LCP2: variants seen among roughly 807,000 people sequenced by gnomAD.
LCP2 encodes 76 kDa tyrosine phosphoprotein.
LCP2 carries 29 observed loss-of-function variants against 74.5 expected under a neutral mutation model. The observed-to-expected ratio is 0.39, with a 90% CI of 0.29 to 0.53. LCP2 has a LOEUF of 0.53. Ranked by LOEUF, LCP2 falls within the 20% of genes least tolerant of loss-of-function variation. The pLI is 0.72. For missense variants in LCP2, 604 were observed against 634.6 expected (o/e 0.95, Z 0.52); for synonymous variants, 228 against 229.5 (o/e 0.99, Z 0.06).
At position 170,258,111 on chromosome 5, in the gene LCP2, G is replaced by C; in HGVS notation, c.1026C>G (p.Phe342Leu). The C allele has an allele frequency of 6.2e-7, 1 of 1,613,822 alleles. No homozygotes were observed. Residue 342 changes from phenylalanine to leucine, a missense_variant, in exon 16 of 21, where the codon TTC becomes TTG. Physicochemically the swap from Phe to Leu is conservative, Grantham distance 22 (BLOSUM62 0). Transcript: ENST00000046794. ...GACTTGGCTTAGTAGATCTTGAAGGGAAAGTGTTGGAGCTCATAGGAAGTA... is the reference window on the plus strand; with the variant it reads ...GACTTGGCTTAGTAGATCTTGAAGGCAAAGTGTTGGAGCTCATAGGAAGTA... Reference protein sequence around the residue: ...PALLPMSSNTFPSRSTKPSPM... With the variant: ...PALLPMSSNTLPSRSTKPSPM...
intron 3 of LCP2, among the ~76,000 whole-genome samples, chr5:170,281,484 G>C (rs909186156): frequency 6.6e-6 from 1 of 152,184 alleles, no homozygotes; most frequent in African/African-American, 2.4e-5. Flanking sequence ...GTTTCACTGT[G>C]TTAGCCAGGA....
chr5:170,252,742 A>T (rs1761474782), intron 18 of LCP2, among the ~76,000 whole-genome samples: 1 of 152,244 alleles, frequency 6.6e-6, no homozygotes, highest in Admixed American at 6.5e-5. Flanking sequence ...TGTGAATAAG[A>T]GTTCCTTACA....
intron 17 of LCP2, among the ~76,000 whole-genome samples, chr5:170,255,252 A>G (rs1761529213): frequency 6.6e-6 from 1 of 152,202 alleles, no homozygotes; most frequent in Non-Finnish European, 1.5e-5. Flanking sequence ...TTGAAAACTT[A>G]GTGGGTGCCA....
At chr5:170,250,974 T>C in intron 19 of LCP2, 89 bp from the exon 20 acceptor site, 1 of 1,004,908 alleles carries the variant, frequency 1.0e-6, no homozygotes, top group Non-Finnish European at 1.5e-6. Context: ...TCTAGGGATC[T>C]GACAAACATG....
intron 20 of LCP2, among the ~76,000 whole-genome samples, chr5:170,249,941 G>A (rs1761395152): frequency 1.3e-5 from 2 of 152,112 alleles, no homozygotes; most frequent in African/African-American, 2.4e-5. Flanking sequence ...GCTCCTATAG[G>A]GTCTGTGCAG....
intron 20 of LCP2, among the ~76,000 whole-genome samples, chr5:170,249,103 C>T (rs995061712): frequency 3.3e-5 from 5 of 152,224 alleles, no homozygotes; most frequent in Non-Finnish European, 7.4e-5. Context: ...CGGTGGATCA[C>T]CTGAGGTCAG....
rs368584679 is a variant in LCP2 at position 170,250,893 on chromosome 5, G to C, written c.1324-8C>G. The C allele has an allele frequency of 1.4e-5, 22 of 1,611,720 alleles. No individual in the cohort carries two copies. The African/African-American group carries it at 2.9e-4, about 22-fold the overall frequency. On this transcript the variant is annotated splice_polypyrimidine_tract_variant and splice_region_variant and intron_variant, in intron 19 of 20. Transcript: ENST00000046794. ...GACCAGAAATGTGCCATCCTAAAAA[G>C]ACAAATTCCTGTTATTATGGGAGCA...
At chr5:170,271,047 C>A in intron 6 of LCP2, 130 bp from the exon 7 acceptor site, 1 of 731,824 alleles carries the variant, frequency 1.4e-6, no homozygotes, top group Non-Finnish European at 2.1e-6. Flanking sequence ...AAGATGGTTA[C>A]TCCCATTTTA....
intron 2 of LCP2, 43 bp downstream of exon 2, chr5:170,293,267 C>G: frequency 6.3e-7 from 1 of 1,578,362 alleles, no homozygotes; most frequent in Admixed American, 1.8e-5. Context: ...GGAAAAGTGC[C>G]GAACAGTCTT....
chr5:170,293,789 A>G (rs576758419), intron 1 of LCP2, among the ~76,000 whole-genome samples: 2 of 152,186 alleles, frequency 1.3e-5, no homozygotes, highest in African/African-American at 2.4e-5. Context: ...TTTATATTCA[A>G]TCTCATTATT....
chr5:170,248,886 T>C, intron 20 of LCP2, 67 bp from the exon 21 acceptor site: 7 of 1,512,844 alleles, frequency 4.6e-6, no homozygotes, highest in Non-Finnish European at 5.5e-6. Flanking sequence ...ACTTTCAGTT[T>C]TTTTATCTGC....
chr5:170,267,215 C>G (rs1381508328), intron 8 of LCP2, 140 bp from the exon 9 acceptor site: 13 of 813,858 alleles, frequency 1.6e-5, no homozygotes, highest in Non-Finnish European at 2.6e-5. Flanking sequence ...CTTCACTGAA[C>G]TACCGCAGTA....
At chr5:170,296,037 G>A (rs765211861) in intron 1 of LCP2, among the ~76,000 whole-genome samples, 5 of 152,178 alleles carry the variant, frequency 3.3e-5, no homozygotes, top group Non-Finnish European at 7.3e-5. Context: ...ACACCTGAAT[G>A]TTAGGCCTAT....
intron 3 of LCP2, among the ~76,000 whole-genome samples, chr5:170,281,555 C>T (rs1372554682): frequency 6.6e-6 from 1 of 152,222 alleles, no homozygotes. Flanking sequence ...GCTGGGATTA[C>T]AGGCATTTGA....
rs1280602103 is a variant in LCP2, at chr5:170,258,169, G to T, written c.971-3C>A. On this transcript the variant is annotated splice_region_variant and splice_polypyrimidine_tract_variant and intron_variant, in intron 15 of 20. Coordinates refer to ENST00000046794, the MANE Select transcript of LCP2 (RefSeq NM_005565.5). ...CTGGGGCAAAGGTCTCTGATGCACTGTGCAGAAGTAGAAAACAATGAATGA... is the reference window on the plus strand; with the variant it reads ...CTGGGGCAAAGGTCTCTGATGCACTTTGCAGAAGTAGAAAACAATGAATGA... The T allele has an allele frequency of 3.1e-6, 5 of 1,613,664 alleles. No individual in the cohort carries two copies. The highest frequency in any genetic ancestry group is 4.2e-6 in the Non-Finnish European group (5 of 1,179,736).
chr5:170,275,388 C>T (rs756828562), intron 4 of LCP2, 37 bp from the exon 5 acceptor site: 4 of 1,611,952 alleles, frequency 2.5e-6, no homozygotes, highest in Admixed American at 1.7e-5. Context: ...ATGGTCTTCT[C>T]GATTTAAGGG....
intron 3 of LCP2, among the ~76,000 whole-genome samples, chr5:170,283,314 C>T (rs1025924346): frequency 1.3e-5 from 2 of 152,212 alleles, no homozygotes; most frequent in Admixed American, 6.5e-5. Flanking sequence ...TAACCAGAAA[C>T]CATTTCCCAC....
At position 170,252,469 on chromosome 5, in the gene LCP2, G is replaced by A. The variant is rs765650542; in HGVS notation, c.1288C>T (p.Pro430Ser). The A allele has an allele frequency of 8.2e-6, 13 of 1,588,776 alleles. No homozygotes were observed. The highest frequency in any genetic ancestry group is 3.4e-5 in the Admixed American group (2 of 58,922). Residue 430 changes from proline to serine, a missense_variant, in exon 19 of 21, where the codon CCA becomes TCA. Physicochemically the swap from Pro to Ser is moderately conservative, Grantham distance 74. Transcript: ENST00000046794. ...EEWYVSYITRPEAEAALRKIN... is the reference protein window; with the variant it reads ...EEWYVSYITRSEAEAALRKIN... ...TTTCTAAGAGCAGCTTCTGCCTCTG[G>A]TCGGGTAATATAAGAAACGTACCAC...
chr5:170,264,280 T>C (rs1761709867), intron 10 of LCP2, among the ~76,000 whole-genome samples: 2 of 152,262 alleles, frequency 1.3e-5, no homozygotes, highest in South Asian at 2.1e-4. Flanking sequence ...TCTTCCTAAA[T>C]AAAACAAATT....
Sources: allele counts gnomAD v4.1 joint callset (sites outside exome capture counted in the v4.1 genomes callset), GRCh38; gene constraint gnomAD v4.1.1; transcripts MANE v1.5; gene names NCBI Gene and HGNC (gene_info 2026-07-23, HGNC 2026-07-21).